TMED5: variants seen among roughly 807,000 people sequenced by gnomAD.
TMED5 encodes the protein transmembrane p24 trafficking protein 5.
In TMED5, 27 loss-of-function variants were observed where a neutral mutation model predicts 23.0. The ratio of observed to expected loss-of-function variants is 1.17; its 90% CI spans 0.86 to 1.62. TMED5 has a LOEUF of 1.62. Among genes scored for constraint, TMED5 ranks in the 40% most tolerant of loss-of-function variants. TMED5 has a pLI of 0.00. For missense variants in TMED5, 248 were observed against 273.7 expected, an observed-to-expected ratio of 0.91 and a Z score of 0.66; for synonymous variants, 97 against 100.8, an observed-to-expected ratio of 0.96 and a Z score of 0.23.
At chr1:93,163,348 T>C (rs1648355492) in intron 1 of TMED5, 1 of 146,642 alleles carries the variant, frequency 6.8e-6, no homozygotes, top group Non-Finnish European at 1.5e-5. Context: ...AAAATATACT[T>C]TTTTTTTTTT....
At position 93,153,865 on chromosome 1, in the gene TMED5, T is replaced by C. The variant is rs1647967022; in HGVS notation, c.*805A>G. Reference sequence around the variant, plus strand: ...ACAGATACTATTAAAAATAAACTTATTTTACCTCACATTTAATTTTAAAAT... The same window carrying C: ...ACAGATACTATTAAAAATAAACTTACTTTACCTCACATTTAATTTTAAAAT... On this transcript the variant is annotated 3_prime_UTR_variant, in exon 4 of 4. Coordinates refer to ENST00000370282, the MANE Select transcript of TMED5 (RefSeq NM_016040.5). 1 of 152,290 alleles carries C rather than the reference T, an allele frequency of 6.6e-6. No individual in the cohort carries two copies. The highest frequency in any genetic ancestry group is 1.9e-4 in the East Asian group (1 of 5,188). 9.4% of individuals were successfully genotyped at this position (152,290 alleles called of 1,614,324 possible).
In TMED5 at chr1:93,180,374, G is replaced by C; in HGVS notation, c.-132C>G. On this transcript the variant is annotated 5_prime_UTR_variant, in exon 1 of 4. Coordinates refer to ENST00000370282, the MANE Select transcript of TMED5 (RefSeq NM_016040.5). ...AGAAACTCCAGGTGGCGGCCGCGGC[G>C]GCGGCGAACACTCCCTCCGAAAGAG... is the stretch of plus-strand genomic sequence containing the variant. 2 of 1,287,278 alleles carry C rather than the reference G, an allele frequency of 1.6e-6. No homozygotes were observed. Among genetic ancestry groups the C allele is most frequent in the South Asian group, 1.4e-5 (1 of 71,744 alleles). 79.7% of individuals were successfully genotyped at this position (1,287,278 alleles called of 1,614,324 possible).
At chr1:93,175,618 G>C (rs1648886544) in intron 1 of TMED5, among the ~76,000 whole-genome samples, 1 of 151,504 alleles carries the variant, frequency 6.6e-6, no homozygotes, top group Non-Finnish European at 1.5e-5. Flanking sequence ...AATGGCATCA[G>C]GTATATTATA....
intron 2 of TMED5, among the ~76,000 whole-genome samples, chr1:93,157,871 T>C (rs1309807400): frequency 6.6e-6 from 1 of 152,154 alleles, no homozygotes; most frequent in East Asian, 1.9e-4. Context: ...ACGCCTATAA[T>C]CCCAGCACTT....
At chr1:93,155,728 C>T (rs931992625) in intron 3 of TMED5, among the ~76,000 whole-genome samples, 1 of 152,052 alleles carries the variant, frequency 6.6e-6, no homozygotes, top group Non-Finnish European at 1.5e-5. Context: ...GATCCTCCCC[C>T]TAACCTTCTG....
At chr1:93,171,836 A>C (rs1041921235) in intron 1 of TMED5, among the ~76,000 whole-genome samples, 1 of 152,220 alleles carries the variant, frequency 6.6e-6, no homozygotes, top group Non-Finnish European at 1.5e-5. Flanking sequence ...CTGATTCGAC[A>C]ATGTAAACAA....
Position 93,180,336 on chromosome 1 carries a change from A to C in TMED5, c.-94T>G. The stretch of plus-strand genomic sequence containing the variant: ...TGGACTCCTCGTGGTTGACAGGGAA[A>C]TCTGGAGTCTGAAGAAACTCCAGGT... On this transcript the variant is annotated 5_prime_UTR_variant, in exon 1 of 4. Transcript: ENST00000370282. The C allele has an allele frequency of 7.0e-7, 1 of 1,419,480 alleles. No individual in the cohort carries two copies. Among genetic ancestry groups the C allele is most frequent in the Non-Finnish European group, 9.4e-7 (1 of 1,061,104 alleles). 87.9% of individuals were successfully genotyped at this position (1,419,480 alleles called of 1,614,324 possible). A position where few individuals can be genotyped will look rare whatever the true frequency, so the allele number is the denominator to read the frequency against.
intron 1 of TMED5, chr1:93,160,956 C>T (rs1174665401): frequency 6.6e-6 from 1 of 152,114 alleles, no homozygotes; most frequent in Non-Finnish European, 1.5e-5. Flanking sequence ...TCAAGACCAC[C>T]ATGGTGTGGA....
At chr1:93,175,502 C>A (rs1022591272) in intron 1 of TMED5, among the ~76,000 whole-genome samples, 5 of 150,646 alleles carry the variant, frequency 3.3e-5, no homozygotes, top group African/African-American at 1.2e-4. Flanking sequence ...AATAAATACT[C>A]AAAAGACATT....
chr1:93,178,671 CA>C (rs1267409528), intron 1 of TMED5, among the ~76,000 whole-genome samples: 1 of 152,104 alleles, frequency 6.6e-6, no homozygotes, highest in African/African-American at 2.4e-5. Flanking sequence ...TACTGGAAAT[CA>C]AGAAACACTG....
intron 1 of TMED5, among the ~76,000 whole-genome samples, chr1:93,168,037 T>C (rs1648569545): frequency 6.6e-6 from 1 of 152,228 alleles, no homozygotes; most frequent in Non-Finnish European, 1.5e-5. Context: ...TTCATTCTGT[T>C]GATATGATGT....
At chr1:93,156,559 A>G in intron 2 of TMED5, 76 bp from the exon 3 acceptor site, 1 of 1,191,748 alleles carries the variant, frequency 8.4e-7, no homozygotes, top group South Asian at 1.3e-5. Flanking sequence ...GGTAAAAATA[A>G]GAAGTAACAG....
intron 2 of TMED5, among the ~76,000 whole-genome samples, chr1:93,158,358 A>G (rs544613095): frequency 2.0e-5 from 3 of 152,322 alleles, no homozygotes; most frequent in South Asian, 4.1e-4. Flanking sequence ...TGGCATATCA[A>G]AAGAATGCAA....
At chr1:93,173,193 C>A (rs540318322) in intron 1 of TMED5, among the ~76,000 whole-genome samples, 1 of 152,288 alleles carries the variant, frequency 6.6e-6, no homozygotes, top group South Asian at 2.1e-4. Context: ...ATAACTGAGA[C>A]TGAATTTCAA....
intron 1 of TMED5, among the ~76,000 whole-genome samples, chr1:93,178,283 T>C (rs1442397457): frequency 1.3e-5 from 2 of 152,194 alleles, no homozygotes; most frequent in Non-Finnish European, 2.9e-5. Flanking sequence ...ACTTGTAGTG[T>C]CCACTACACA....
chr1:93,154,364 C>T lies in TMED5; in HGVS notation c.*306G>A, dbSNP rs1368211887. On this transcript the variant is annotated 3_prime_UTR_variant, in exon 4 of 4. Transcript: ENST00000370282. ...TGGTGTTGCAATTAGGCCCAATACT[C>T]ATTTATTTAAATCACCTAAGACATT... The T allele has an allele frequency of 1.4e-5, 4 of 294,064 alleles. No homozygotes were observed. Among genetic ancestry groups the T allele is most frequent in the Middle Eastern group, 1.0e-3 (1 of 996 alleles). 18.2% of individuals were successfully genotyped at this position (294,064 alleles called of 1,614,324 possible). A position where few individuals can be genotyped will look rare whatever the true frequency, so the allele number is the denominator to read the frequency against.
At chr1:93,155,640 G>A (rs1648047393) in intron 3 of TMED5, among the ~76,000 whole-genome samples, 1 of 151,580 alleles carries the variant, frequency 6.6e-6, no homozygotes, top group Admixed American at 6.6e-5. Context: ...TTTAGAGATG[G>A]GGTCTTGCTA....
rs1647831610 is a variant in TMED5 at position 93,150,386 on chromosome 1, TC to T, written c.*4283del. 1 of 152,222 alleles carries T rather than the reference TC, an allele frequency of 6.6e-6. No homozygotes were observed. Among genetic ancestry groups the T allele is most frequent in the Non-Finnish European group, 1.5e-5 (1 of 68,052 alleles). 9.4% of individuals were successfully genotyped at this position (152,222 alleles called of 1,614,324 possible). On this transcript the variant is annotated 3_prime_UTR_variant, in exon 4 of 4. Coordinates refer to ENST00000370282, the MANE Select transcript of TMED5 (RefSeq NM_016040.5). ...CTTTTTGAAGGACATCCAGGTTGTTTCCGGGTTTTGGCTATTATAAATGAAG... is the reference window on the plus strand; with the variant it reads ...CTTTTTGAAGGACATCCAGGTTGTTTCGGGTTTTGGCTATTATAAATGAAG...
Position 93,180,105 on chromosome 1 carries a change from C to T in TMED5, c.138G>A (p.Glu46=), listed in dbSNP as rs1335329862. The part of the protein sequence containing the change: ...FTFTLPAGQK[E]CFYQPMPLKA... ...TCAGGGGCATGGGCTGGTAGAAGCA[C>T]TCCTTCTGGCCGGCGGGAAGGGTAA... Residue 46 remains glutamate, a synonymous_variant, in exon 1 of 4, where the codon GAG becomes GAA. Coordinates refer to ENST00000370282, the MANE Select transcript of TMED5 (RefSeq NM_016040.5). 1.2e-6 allele frequency: 2 copies of T among 1,613,832 alleles called. No homozygotes were observed. Among genetic ancestry groups the T allele is most frequent in the Non-Finnish European group, 1.7e-6 (2 of 1,179,834 alleles).
Sources: gnomAD v4.1 joint callset for allele counts (sites outside exome capture counted in the v4.1 genomes callset) on GRCh38, gnomAD v4.1.1 for gene constraint, MANE v1.5 for transcripts, NCBI Gene and HGNC (gene_info 2026-07-23, HGNC 2026-07-21) for gene names.